Variants in ZNF239 observed in about 807,000 individuals in gnomAD.
The protein encoded by ZNF239 is zinc finger protein (C2H2) homologous to mouse MOK-2.
A neutral mutation model predicts 27.5 loss-of-function variants in ZNF239; 16 were observed. That is an observed-to-expected ratio of 0.58 (90% confidence interval 0.39 to 0.88). The LOEUF (loss-of-function observed/expected upper bound fraction) is 0.88, where lower values mean the gene tolerates loss of function less well. Ranked by LOEUF, ZNF239 falls within the 40% of genes least tolerant of loss-of-function variation. ZNF239 has a pLI of 0.00. For missense variants in ZNF239, 527 were observed against 551.9 expected, an observed-to-expected ratio of 0.95 and a Z score of 0.45; for synonymous variants, 199 against 192.6, an observed-to-expected ratio of 1.03 and a Z score of -0.27.
In ZNF239 at chr10:43,565,746, C is replaced by T. The variant is rs181341555; in HGVS notation, c.-93+2153G>A. 2.4e-3 allele frequency among the ~76,000 whole-genome samples: 302 copies of T among 125,992 alleles called. 1 individual carries two copies. The highest frequency in any genetic ancestry group is 8.2e-3 in the African/African-American group (277 of 33,810). The allele number at this position is 125,992 out of a possible 152,430, so 82.7% of individuals were successfully genotyped here. A position where few individuals can be genotyped will look rare whatever the true frequency, so the allele number is the denominator to read the frequency against. Reference sequence around the variant, plus strand: ...AGGAGAATTGCTTGAACCCAGGAGGCGGAGGTGGCAGTGAGCCCAGATCAC... The same window carrying T: ...AGGAGAATTGCTTGAACCCAGGAGGTGGAGGTGGCAGTGAGCCCAGATCAC... On this transcript the variant is annotated intron_variant, in intron 3 of 3. Transcript: ENST00000374446.
intron 2 of ZNF239, 182 bp from the exon 3 acceptor site, chr10:43,568,203 A>C (rs148034515): frequency 2.0e-6 from 2 of 985,450 alleles, no homozygotes; most frequent in Non-Finnish European, 2.4e-6. Context: ...TTACTTGGCT[A>C]CTTCCATCCA....
intron 2 of ZNF239, 111 bp downstream of exon 2, chr10:43,573,526 A>C (rs938818880): frequency 3.0e-6 from 2 of 660,682 alleles, no homozygotes; most frequent in African/African-American, 3.9e-5. Flanking sequence ...ATGTCCCTAC[A>C]TCCATAGCTA....
At chr10:43,561,176 A>C (rs1050844715) in intron 3 of ZNF239, among the ~76,000 whole-genome samples, 4 of 152,198 alleles carry the variant, frequency 2.6e-5, no homozygotes, top group African/African-American at 9.6e-5. Flanking sequence ...GCATGAGGAC[A>C]GTGAAGATGG....
At position 43,557,126 on chromosome 10, in the gene ZNF239, G is replaced by A. The variant is rs61731402; in HGVS notation, c.954C>T (p.Pro318=). 9.4e-3 allele frequency: 15,179 copies of A among 1,613,620 alleles called. 96 individuals carry two copies. Among genetic ancestry groups the A allele is most frequent in the Non-Finnish European group, 0.011 (13,408 of 1,179,916 alleles). The change falls in exon 4 of 4, where the codon CCC becomes CCT. Residue 318 remains proline (P), a synonymous_variant. Transcript: ENST00000374446. ...IHQRVHTGEK[P]YECEECGMSF... ...TCATACCACACTCCTCACACTCATA[G>A]GGCTTCTCTCCAGTGTGGACTCGCT...
intron 3 of ZNF239, among the ~76,000 whole-genome samples, chr10:43,564,888 A>T (rs1837523762): frequency 6.6e-6 from 1 of 152,054 alleles, no homozygotes; most frequent in African/African-American, 2.4e-5. Flanking sequence ...AACAACTTTA[A>T]TACTGACAAA....
intron 2 of ZNF239, chr10:43,570,482 T>G (rs1837960478): frequency 1.0e-6 from 1 of 985,098 alleles, no homozygotes; most frequent in African/African-American, 1.7e-5. Flanking sequence ...TGTTTAAGGC[T>G]AATCTCTTCC....
chr10:43,559,769 T>C (rs975017213), intron 3 of ZNF239, among the ~76,000 whole-genome samples: 1 of 151,982 alleles, frequency 6.6e-6, no homozygotes, highest in African/African-American at 2.4e-5. Flanking sequence ...ATAATACTCT[T>C]GGGAAAACAG....
In ZNF239 at chr10:43,567,965, G is replaced by A; in HGVS notation, c.-159C>T. On this transcript the variant is annotated 5_prime_UTR_variant, in exon 3 of 4. Coordinates refer to ENST00000374446, the MANE Select transcript of ZNF239 (RefSeq NM_001099282.2). Reference sequence around the variant, plus strand: ...ACAGCTTCCTGGGAGCAGAGTCCAGGTGACCTCACTCCTCCTCGGTGAAGG... The same window carrying A: ...ACAGCTTCCTGGGAGCAGAGTCCAGATGACCTCACTCCTCCTCGGTGAAGG... 1.0e-6 allele frequency: 1 copy of A among 985,874 alleles called. No homozygotes were observed. The allele number at this position is 985,874 out of a possible 1,614,324, so 61.1% of individuals were successfully genotyped here.
In ZNF239 at chr10:43,557,094, C is replaced by CTGAA; in HGVS notation, c.982_985dup (p.Ser329IlefsTer24). 1 of 1,612,860 alleles carries CTGAA rather than the reference C, an allele frequency of 6.2e-7. No individual in the cohort carries two copies. Among genetic ancestry groups the CTGAA allele is most frequent in the Non-Finnish European group, 8.5e-7 (1 of 1,179,200 alleles). On this transcript the variant is annotated frameshift_variant, in exon 4 of 4. Transcript: ENST00000374446. LOFTEE classifies it high-confidence loss of function. ...GTGGATGTGCAGGTTTGAGCGCTGACTGAAGCTCATACCACACTCCTCACA... is the reference window on the plus strand; with the variant it reads ...GTGGATGTGCAGGTTTGAGCGCTGACTGAATGAAGCTCATACCACACTCCTCACA...
intron 2 of ZNF239, among the ~76,000 whole-genome samples, chr10:43,573,356 T>C (rs1215224872): frequency 1.3e-5 from 2 of 152,158 alleles, no homozygotes; most frequent in Non-Finnish European, 2.9e-5. Context: ...GTGAGTGAAA[T>C]GTCTGGCAGG....
At chr10:43,573,882 C>T (rs954985724) in intron 1 of ZNF239, among the ~76,000 whole-genome samples, 1 of 152,128 alleles carries the variant, frequency 6.6e-6, no homozygotes, top group African/African-American at 2.4e-5. Context: ...GCCAAGTTTT[C>T]CCCCCAAAAC....
In ZNF239 at chr10:43,557,033, A is replaced by T. The variant is rs61731400; in HGVS notation, c.1047T>A (p.Cys349Ter). Residue 349 changes from cysteine (C) to a stop codon, truncating the protein, a stop_gained, in exon 4 of 4, where the codon TGT (cysteine) becomes TGA (stop). Coordinates refer to ENST00000374446, the MANE Select transcript of ZNF239 (RefSeq NM_001099282.2). LOFTEE classifies it high-confidence loss of function. ...GACTGAAGCCCTTCCCACACTCACCACACTTGTAGGGCCTCTCTCCTGTGT... is the reference window on the plus strand; with the variant it reads ...GACTGAAGCCCTTCCCACACTCACCTCACTTGTAGGGCCTCTCTCCTGTGT... ...RVHTGERPYK[C>*]GECGKGFSQS... The T allele has an allele frequency of 5.6e-6, 9 of 1,613,190 alleles. No homozygotes were observed. Among genetic ancestry groups the T allele is most frequent in the Non-Finnish European group, 7.6e-6 (9 of 1,179,892 alleles).
Position 43,558,246 on chromosome 10 carries a change from C to T in ZNF239, c.-92-75G>A, listed in dbSNP as rs188881076. The T allele has an allele frequency of 7.9e-5, 107 of 1,357,820 alleles. No individual in the cohort carries two copies. The Middle Eastern group carries it at 1.4e-3, about 18-fold the overall frequency. 84.1% of individuals were successfully genotyped at this position (1,357,820 alleles called of 1,614,324 possible). Reference sequence around the variant, plus strand: ...ATTTCAGAGTGAGAGTGCCTAAGGCCTGAAGTCTTAGTAACTAGGAAAAAG... The same window carrying T: ...ATTTCAGAGTGAGAGTGCCTAAGGCTTGAAGTCTTAGTAACTAGGAAAAAG... On this transcript the variant is annotated intron_variant, in intron 3 of 3. Coordinates refer to ENST00000374446, the MANE Select transcript of ZNF239 (RefSeq NM_001099282.2).
chr10:43,569,926 A>G (rs1345723647), intron 2 of ZNF239, among the ~76,000 whole-genome samples: 1 of 152,208 alleles, frequency 6.6e-6, no homozygotes, highest in Non-Finnish European at 1.5e-5. Flanking sequence ...ATGCTTCTTA[A>G]ACTACCTGTG....
intron 3 of ZNF239, among the ~76,000 whole-genome samples, chr10:43,567,515 T>G (rs1050015529): frequency 9.5e-4 from 145 of 152,318 alleles, no homozygotes; most frequent in African/African-American, 3.3e-3. Context: ...GACTGCAAGA[T>G]ACCAGATAAC....
chr10:43,564,291 T>A (rs1837483046), intron 3 of ZNF239: 1 of 984,068 alleles, frequency 1.0e-6, no homozygotes, highest in Admixed American at 6.1e-5. Flanking sequence ...GACCGTATAG[T>A]AACACTCCAA....
At chr10:43,561,855 T>C (rs1837274838) in intron 3 of ZNF239, among the ~76,000 whole-genome samples, 2 of 151,892 alleles carry the variant, frequency 1.3e-5, no homozygotes, top group South Asian at 4.1e-4. Flanking sequence ...CCCAAAACCA[T>C]AGTTGAAAAA....
rs12259547 is a variant in ZNF239, at chr10:43,573,906, A to G, written c.-256-229T>C. ...TCCCCCCAAAACCAAGAGGCTAGGT[A>G]AATTCCGCAGCCGCCGGCAGCTCGA... On this transcript the variant is annotated intron_variant, in intron 1 of 3. Coordinates refer to ENST00000374446, the MANE Select transcript of ZNF239 (RefSeq NM_001099282.2). Among the ~76,000 whole-genome samples, 260 of 152,308 alleles carry G rather than the reference A, an allele frequency of 1.7e-3. 1 individual carries two copies. The highest frequency in any genetic ancestry group is 6.1e-3 in the African/African-American group (253 of 41,576).
intron 3 of ZNF239, among the ~76,000 whole-genome samples, chr10:43,562,007 T>G (rs758749374): frequency 1.3e-5 from 2 of 152,204 alleles, no homozygotes; most frequent in Non-Finnish European, 2.9e-5. Flanking sequence ...CTGTACTACT[T>G]GACTCTACAG....
Sources: allele counts gnomAD v4.1 joint callset (sites outside exome capture counted in the v4.1 genomes callset), GRCh38; gene constraint gnomAD v4.1.1; transcripts MANE v1.5; gene names NCBI Gene and HGNC (gene_info 2026-07-23, HGNC 2026-07-21).